Variants in VTI1A observed in about 807,000 individuals in gnomAD.
The protein encoded by VTI1A is vesicle transport through interaction with t-SNAREs 1A, also known as vesicle transport through interaction with t-SNAREs homolog 1A.
A neutral mutation model predicts 34.9 loss-of-function variants in VTI1A; 22 were observed. The ratio of observed to expected loss-of-function variants is 0.63; its 90% CI spans 0.45 to 0.90. The LOEUF is 0.90. Ranked by LOEUF, VTI1A falls within the 40% of genes least tolerant of loss-of-function variation. The pLI, the probability that VTI1A is intolerant of heterozygous loss-of-function variation, is 0.00. For synonymous variants in VTI1A, 87 were observed against 97.3 expected, an observed-to-expected ratio of 0.89 and a Z score of 0.62; for missense variants, 268 against 275.6, an observed-to-expected ratio of 0.97 and a Z score of 0.20.
chr10:112,722,920 T>C (rs1050936304), intron 7 of VTI1A, among the ~76,000 whole-genome samples: 1 of 152,186 alleles, frequency 6.6e-6, no homozygotes, highest in Non-Finnish European at 1.5e-5. Flanking sequence ...ATTTCTATTA[T>C]CAATTCAAAG....
chr10:112,722,651 CAGTGGCTCTCA>C (rs1849854503), intron 7 of VTI1A, among the ~76,000 whole-genome samples: 1 of 152,104 alleles, frequency 6.6e-6, no homozygotes, highest in Non-Finnish European at 1.5e-5. Flanking sequence ...CTTCAGAGGT[CAGTGGCTCTCA>C]GCCCTTGTTG....
intron 3 of VTI1A, chr10:112,484,841 G>A (rs1848566070): frequency 6.6e-6 from 1 of 150,638 alleles, no homozygotes; most frequent in Non-Finnish European, 1.5e-5. Context: ...CAATGAAAAA[G>A]TTGCATCTAG....
intron 7 of VTI1A, among the ~76,000 whole-genome samples, chr10:112,770,628 G>A (rs142813501): frequency 2.0e-5 from 3 of 151,150 alleles, no homozygotes; most frequent in Non-Finnish European, 4.4e-5. Flanking sequence ...GGAAGGTCTC[G>A]ATCTCCTGAC....
intron 3 of VTI1A, chr10:112,485,335 A>G (rs186021550): frequency 1.3e-5 from 2 of 152,180 alleles, no homozygotes; most frequent in Non-Finnish European, 2.9e-5. Flanking sequence ...GAAATGGTCC[A>G]TTGAGCATAT....
intron 7 of VTI1A, among the ~76,000 whole-genome samples, chr10:112,811,274 A>G (rs972267694): frequency 2.0e-5 from 3 of 152,156 alleles, no homozygotes; most frequent in African/African-American, 7.2e-5. Flanking sequence ...CCCCAAATCA[A>G]AACCGCAGGA....
intron 7 of VTI1A, among the ~76,000 whole-genome samples, chr10:112,690,212 T>A (rs1187761333): frequency 1.3e-5 from 2 of 152,246 alleles, no homozygotes; most frequent in Non-Finnish European, 2.9e-5. Context: ...TAAATAACGC[T>A]GCTGTGAATA....
At chr10:112,498,214 C>T (rs1244650905) in intron 3 of VTI1A, among the ~76,000 whole-genome samples, 1 of 152,130 alleles carries the variant, frequency 6.6e-6, no homozygotes, top group African/African-American at 2.4e-5. Flanking sequence ...ATTGGTCTTT[C>T]TATTTTATTA....
chr10:112,571,216 G>A (rs1400858587), intron 5 of VTI1A, among the ~76,000 whole-genome samples: 1 of 152,064 alleles, frequency 6.6e-6, no homozygotes, highest in Non-Finnish European at 1.5e-5. Flanking sequence ...ATTTTACTTT[G>A]TCCTAAGATG....
At chr10:112,497,892 T>C (rs778140427) in intron 3 of VTI1A, among the ~76,000 whole-genome samples, 12 of 152,226 alleles carry the variant, frequency 7.9e-5, no homozygotes, top group Non-Finnish European at 1.6e-4. Context: ...GTGCCAGTTT[T>C]ACTTACGGGA....
chr10:112,666,867 A>G (rs996697773), intron 5 of VTI1A, among the ~76,000 whole-genome samples: 1 of 152,162 alleles, frequency 6.6e-6, no homozygotes, highest in African/African-American at 2.4e-5. Context: ...TAAATATTGT[A>G]ACTGAATTAC....
At chr10:112,723,845 G>A (rs577232303) in intron 7 of VTI1A, among the ~76,000 whole-genome samples, 26 of 152,316 alleles carry the variant, frequency 1.7e-4, no homozygotes, top group South Asian at 6.2e-4. Context: ...TCCATTCTCT[G>A]GGATTCAGGG....
At chr10:112,794,388 G>T (rs1003026490) in intron 7 of VTI1A, among the ~76,000 whole-genome samples, 3 of 151,892 alleles carry the variant, frequency 2.0e-5, no homozygotes, top group Admixed American at 6.6e-5. Flanking sequence ...AGACCCCATT[G>T]CTACAAAAAA....
At chr10:112,597,693 C>CTTTTT (rs1180451909) in intron 5 of VTI1A, among the ~76,000 whole-genome samples, 2,049 of 90,480 alleles carry the variant, frequency 0.023, 38 homozygotes, top group Non-Finnish European at 0.028. Context: ...GACCTTGTCT[C>CTTTTT]TTTTTTTTTT....
rs113895446 is a variant in VTI1A, at chr10:112,659,728, C to T, written c.428-8490C>T. ...GCACGCAGACACACACACACACACG[C>T]GCACGCGCGTGCATAGGCCCTGCAT... is the stretch of plus-strand genomic sequence containing the variant. On this transcript the variant is annotated intron_variant, in intron 5 of 7. Transcript: ENST00000393077. Among the ~76,000 whole-genome samples, 829 of 152,334 alleles carry T rather than the reference C, an allele frequency of 5.4e-3. 7 individuals carry two copies. The highest frequency in any genetic ancestry group is 8.5e-3 in the Non-Finnish European group (580 of 68,036).
chr10:112,762,653 G>T (rs1851507437), intron 7 of VTI1A, among the ~76,000 whole-genome samples: 1 of 152,164 alleles, frequency 6.6e-6, no homozygotes, highest in Non-Finnish European at 1.5e-5. Flanking sequence ...ATTATGCAAG[G>T]GATATGCAGT....
intron 3 of VTI1A, among the ~76,000 whole-genome samples, chr10:112,475,830 A>AC (rs1224221146): frequency 6.6e-6 from 1 of 152,164 alleles, no homozygotes; most frequent in Non-Finnish European, 1.5e-5. Context: ...GCAGAGTGCC[A>AC]TTTTTTAAAA....
the VTI1A span, among the ~76,000 whole-genome samples, chr10:112,840,589 G>A: frequency 6.6e-6 from 1 of 152,180 alleles, no homozygotes; most frequent in Non-Finnish European, 1.5e-5. Flanking sequence ...GCTTAGTGAG[G>A]TTCTGTCCCT....
intron 7 of VTI1A, among the ~76,000 whole-genome samples, chr10:112,760,209 A>T (rs1033208113): frequency 3.9e-5 from 6 of 152,214 alleles, no homozygotes; most frequent in Admixed American, 2.0e-4. Context: ...TGAAAGCTTG[A>T]ACCATGGATA....
intron 1 of VTI1A, among the ~76,000 whole-genome samples, chr10:112,458,011 G>C (rs1177094599): frequency 1.3e-5 from 2 of 152,184 alleles, no homozygotes; most frequent in Non-Finnish European, 2.9e-5. Flanking sequence ...GGGGGCAGGA[G>C]TTAGTTTACA....
Sources: allele counts gnomAD v4.1 joint callset (sites outside exome capture counted in the v4.1 genomes callset), GRCh38; gene constraint gnomAD v4.1.1; transcripts MANE v1.5; gene names NCBI Gene and HGNC (gene_info 2026-07-23, HGNC 2026-07-21).